PKP4: variants seen among roughly 807,000 people sequenced by gnomAD.
PKP4 encodes plakophilin 4.
PKP4 carries 90 observed loss-of-function variants against 145.1 expected under a neutral mutation model. The observed-to-expected ratio is 0.62, with a 90% CI of 0.52 to 0.74. The LOEUF is 0.74. Among genes scored for constraint, PKP4 ranks in the 30% least tolerant of loss-of-function variants. PKP4 has a pLI of 0.00. For missense variants in PKP4, 1,340 were observed against 1,482.7 expected (o/e 0.90, Z 1.58); for synonymous variants, 563 against 577.2 (o/e 0.98, Z 0.35).
intron 1 of PKP4, chr2:158,458,293 G>A (rs1316779579): frequency 6.5e-6 from 1 of 152,728 alleles, no homozygotes; most frequent in East Asian, 1.9e-4. Context: ...GGTCACCGGA[G>A]CATCTTCGGA....
At chr2:158,580,316 C>G (rs1347925807) in intron 3 of PKP4, among the ~76,000 whole-genome samples, 2 of 151,942 alleles carry the variant, frequency 1.3e-5, no homozygotes, top group Non-Finnish European at 2.9e-5. Flanking sequence ...GGCATTTGTG[C>G]CTGGCAAGTG....
chr2:158,495,924 A>G (rs917680334), intron 1 of PKP4, among the ~76,000 whole-genome samples: 1 of 152,016 alleles, frequency 6.6e-6, no homozygotes, highest in African/African-American at 2.4e-5. Flanking sequence ...ATTATGGTAA[A>G]TCAATATCAG....
At chr2:158,499,357 A>G (rs1696221689) in intron 1 of PKP4, among the ~76,000 whole-genome samples, 1 of 152,092 alleles carries the variant, frequency 6.6e-6, no homozygotes, top group African/African-American at 2.4e-5. Context: ...AGCCTGCCCC[A>G]TGTAGTACCT....
In PKP4 at chr2:158,673,721, C is replaced by T. The variant is rs190318071; in HGVS notation, c.2969C>T (p.Thr990Ile). The T allele has an allele frequency of 1.1e-4, 181 of 1,613,306 alleles. No homozygotes were observed. The highest frequency in any genetic ancestry group is 2.0e-4 in the Admixed American group (12 of 60,028). ...VVKAAAQVLN[T>I]LWQYRDLRSI... is the part of the protein sequence containing the mutation. ...AAGGCAGCAGCCCAGGTCTTGAATA[C>T]ATTATGGCAATATCGGGACCTCCGG... Residue 990 changes from threonine (T) to isoleucine (I), a missense_variant, in exon 18 of 22, where the codon ACA becomes ATA. Transcript: ENST00000389759.
chr2:158,649,784 A>G (rs926528000), intron 11 of PKP4, among the ~76,000 whole-genome samples: 8 of 152,200 alleles, frequency 5.3e-5, no homozygotes, highest in African/African-American at 1.4e-4. Flanking sequence ...ATGCTCCCTC[A>G]GTTGACTAGA....
intron 1 of PKP4, among the ~76,000 whole-genome samples, chr2:158,484,327 G>A (rs555245582): frequency 3.9e-5 from 6 of 152,152 alleles, no homozygotes; most frequent in Non-Finnish European, 7.3e-5. Flanking sequence ...GATTACAGGC[G>A]TGAGCCACCG....
intron 2 of PKP4, among the ~76,000 whole-genome samples, chr2:158,537,432 C>T (rs761625716): frequency 2.0e-5 from 3 of 151,964 alleles, no homozygotes; most frequent in Admixed American, 6.6e-5. Flanking sequence ...TCAGGTGATA[C>T]GGGTAACTAC....
At chr2:158,610,298 C>G (rs1274552407) in intron 4 of PKP4, among the ~76,000 whole-genome samples, 1 of 152,028 alleles carries the variant, frequency 6.6e-6, no homozygotes, top group East Asian at 1.9e-4. Context: ...TTCCATTGTT[C>G]ACTGCTTCAC....
chr2:158,640,216 T>C (rs767522776), intron 9 of PKP4, among the ~76,000 whole-genome samples: 31 of 152,250 alleles, frequency 2.0e-4, no homozygotes, highest in Non-Finnish European at 4.1e-4. Context: ...GCCAGCCCTG[T>C]CTGTTCCCAC....
chr2:158,498,720 C>A (rs1471516477), intron 1 of PKP4, among the ~76,000 whole-genome samples: 3 of 152,058 alleles, frequency 2.0e-5, no homozygotes, highest in Non-Finnish European at 4.4e-5. Context: ...TGTTCTAGAA[C>A]CTTGACTCCT....
chr2:158,567,496 A>T (rs944262453), intron 2 of PKP4, among the ~76,000 whole-genome samples: 2 of 152,186 alleles, frequency 1.3e-5, no homozygotes, highest in African/African-American at 4.8e-5. Context: ...TGGTTAACCC[A>T]TGGGGTTAGG....
At chr2:158,598,726 G>A (rs541656262) in intron 3 of PKP4, among the ~76,000 whole-genome samples, 4 of 152,192 alleles carry the variant, frequency 2.6e-5, no homozygotes, top group Non-Finnish European at 4.4e-5. Flanking sequence ...GCGAGATCGC[G>A]CCACTGCACT....
Position 158,533,254 on chromosome 2 carries a change from A to G in PKP4, c.70A>G (p.Thr24Ala). Residue 24 changes from threonine (T) to alanine (A), a missense_variant, in exon 2 of 22, where the codon ACT becomes GCT. Physicochemically the swap from Thr to Ala is moderately conservative, Grantham distance 58 (BLOSUM62 0). Transcript: ENST00000389759. ...QPQTRQEAASTGPGMEPETTA... is the reference protein window; with the variant it reads ...QPQTRQEAASAGPGMEPETTA... ...ACAGACCCGCCAGGAAGCTGCCTCCACTGGCCCAGGCATGGAACCCGAGAC... is the reference window on the plus strand; with the variant it reads ...ACAGACCCGCCAGGAAGCTGCCTCCGCTGGCCCAGGCATGGAACCCGAGAC... 3 of 1,614,124 alleles carry G rather than the reference A, an allele frequency of 1.9e-6. No homozygotes were observed. Among genetic ancestry groups the G allele is most frequent in the Non-Finnish European group, 2.5e-6 (3 of 1,180,020 alleles).
intron 19 of PKP4, among the ~76,000 whole-genome samples, chr2:158,674,995 C>A (rs2057882737): frequency 6.6e-6 from 1 of 152,072 alleles, no homozygotes. Context: ...TGGTATATAT[C>A]TTAGTTTTTA....
chr2:158,470,449 G>C (rs1691377330), intron 1 of PKP4, among the ~76,000 whole-genome samples: 1 of 152,108 alleles, frequency 6.6e-6, no homozygotes, highest in Non-Finnish European at 1.5e-5. Flanking sequence ...TCAAGACCTA[G>C]TTCAAATAGA....
chr2:158,540,827 G>A (rs912901839), intron 2 of PKP4, among the ~76,000 whole-genome samples: 12 of 152,076 alleles, frequency 7.9e-5, no homozygotes, highest in South Asian at 4.1e-4. Flanking sequence ...GCATTGTTTC[G>A]TTTACATTTG....
chr2:158,520,404 GT>G (rs1323352847), intron 1 of PKP4, among the ~76,000 whole-genome samples: 1 of 152,152 alleles, frequency 6.6e-6, no homozygotes, highest in African/African-American at 2.4e-5. Context: ...ATTTAGTCTA[GT>G]TTTAAAACCA....
intron 4 of PKP4, among the ~76,000 whole-genome samples, chr2:158,617,306 A>G (rs1198962835): frequency 6.6e-6 from 1 of 152,180 alleles, no homozygotes; most frequent in East Asian, 1.9e-4. Flanking sequence ...CTGGTGTCCC[A>G]GAAAACATGT....
chr2:158,589,538 C>T (rs1479205719), intron 3 of PKP4, among the ~76,000 whole-genome samples: 1 of 152,164 alleles, frequency 6.6e-6, no homozygotes, highest in Non-Finnish European at 1.5e-5. Flanking sequence ...TCTGGAAACT[C>T]TGAAGCGCTT....
Sources: gnomAD v4.1 joint callset for allele counts (sites outside exome capture counted in the v4.1 genomes callset) on GRCh38, gnomAD v4.1.1 for gene constraint, MANE v1.5 for transcripts, NCBI Gene and HGNC (gene_info 2026-07-23, HGNC 2026-07-21) for gene names.